Variants in ZNF385D observed in about 807,000 individuals in gnomAD.
ZNF385D encodes zinc finger protein 659.
ZNF385D carries 15 observed loss-of-function variants against 35.8 expected under a neutral mutation model. The ratio of observed to expected loss-of-function variants is 0.42; its 90% confidence interval spans 0.28 to 0.64. ZNF385D has a LOEUF of 0.64. Ranked by LOEUF, ZNF385D falls within the 30% of genes least tolerant of loss-of-function variation. ZNF385D has a pLI of 0.23. For missense variants in ZNF385D, 474 were observed against 494.6 expected, an observed-to-expected ratio of 0.96 and a Z score of 0.39; for synonymous variants, 212 against 186.8, an observed-to-expected ratio of 1.13 and a Z score of -1.10.
intron 1 of ZNF385D, among the ~76,000 whole-genome samples, chr3:21,735,126 G>A (rs1007794093): frequency 1.3e-5 from 2 of 152,144 alleles, no homozygotes; most frequent in Non-Finnish European, 2.9e-5. Flanking sequence ...GCAAATAATG[G>A]CAGGCTGGAG....
intron 2 of ZNF385D, among the ~76,000 whole-genome samples, chr3:22,210,550 A>G (rs982565952): frequency 2.0e-5 from 3 of 151,936 alleles, no homozygotes; most frequent in African/African-American, 7.2e-5. Context: ...AAGAAAATAT[A>G]TAGTTCTTGA....
At chr3:22,112,128 G>A (rs1702567962) in intron 3 of ZNF385D, among the ~76,000 whole-genome samples, 1 of 152,152 alleles carries the variant, frequency 6.6e-6, no homozygotes, top group African/African-American at 2.4e-5. Context: ...ACATGTAAAT[G>A]CAAGCAAAGT....
At chr3:21,450,933 G>T (rs1358325871) in intron 4 of ZNF385D, among the ~76,000 whole-genome samples, 3 of 151,996 alleles carry the variant, frequency 2.0e-5, no homozygotes, top group Non-Finnish European at 2.9e-5. Context: ...TGTTTCCTCA[G>T]CCTGGAAGTT....
At chr3:22,277,499 G>C (rs918210569) in intron 2 of ZNF385D, among the ~76,000 whole-genome samples, 1 of 151,994 alleles carries the variant, frequency 6.6e-6, no homozygotes, top group East Asian at 1.9e-4. Context: ...AGTACCAAAA[G>C]CCCAAATAAT....
chr3:22,107,370 T>G (rs1480374910), intron 3 of ZNF385D, among the ~76,000 whole-genome samples: 1 of 152,094 alleles, frequency 6.6e-6, no homozygotes, highest in Non-Finnish European at 1.5e-5. Flanking sequence ...CAGAAAATTA[T>G]GTTAAATTTT....
intron 2 of ZNF385D, among the ~76,000 whole-genome samples, chr3:22,319,068 A>T (rs1398192030): frequency 6.6e-6 from 1 of 152,184 alleles, no homozygotes; most frequent in Non-Finnish European, 1.5e-5. Flanking sequence ...AAAATATATC[A>T]AAAATTAGCA....
intron 3 of ZNF385D, among the ~76,000 whole-genome samples, chr3:22,120,009 T>G (rs1576352352): frequency 7.9e-6 from 1 of 127,324 alleles, no homozygotes; most frequent in Non-Finnish European, 1.7e-5. Flanking sequence ...TTTTTTTTTT[T>G]GGTAGAAACA....
At chr3:22,249,617 G>A (rs1322779287) in intron 2 of ZNF385D, among the ~76,000 whole-genome samples, 1 of 152,134 alleles carries the variant, frequency 6.6e-6, no homozygotes, top group African/African-American at 2.4e-5. Context: ...TCGTTATGCT[G>A]GAAATTACTA....
intron 2 of ZNF385D, among the ~76,000 whole-genome samples, chr3:22,172,629 C>T (rs1161465374): frequency 6.6e-6 from 1 of 152,024 alleles, no homozygotes; most frequent in Non-Finnish European, 1.5e-5. Context: ...ATTCGTGTAA[C>T]CTAATTAAGA....
rs2066790837 is a variant in ZNF385D, at chr3:21,678,288, C to T, written c.23-13260G>A. On this transcript the variant is annotated intron_variant, in intron 1 of 7. Coordinates refer to ENST00000281523, the MANE Select transcript of ZNF385D (RefSeq NM_024697.3). ...CCCAGGTTATGAAGATAACTGGAGA[C>T]CTACATTTGTAACTCAGTAAATGGG... Among the ~76,000 whole-genome samples, 4 of 152,114 alleles carry T rather than the reference C, an allele frequency of 2.6e-5. No individual in the cohort carries two copies. In the South Asian group the frequency reaches 8.3e-4, roughly 32 times the overall value.
intron 1 of ZNF385D, among the ~76,000 whole-genome samples, chr3:21,705,672 T>C (rs2067869558): frequency 6.6e-6 from 1 of 152,226 alleles, no homozygotes; most frequent in Non-Finnish European, 1.5e-5. Context: ...GACTTGTCCA[T>C]GGTCATATGA....
At chr3:21,803,924 A>T (rs2072519800) in intron 3 of ZNF385D, among the ~76,000 whole-genome samples, 1 of 152,220 alleles carries the variant, frequency 6.6e-6, no homozygotes, top group African/African-American at 2.4e-5. Context: ...TGTCACTTGC[A>T]AATAAGAAAT....
chr3:22,249,754 G>A (rs1243289210), intron 2 of ZNF385D, among the ~76,000 whole-genome samples: 2 of 152,150 alleles, frequency 1.3e-5, no homozygotes, highest in Non-Finnish European at 2.9e-5. Flanking sequence ...AAATTATGCT[G>A]AGCCTCAACT....
chr3:21,494,424 T>A (rs1053116549), intron 4 of ZNF385D, among the ~76,000 whole-genome samples: 1 of 152,088 alleles, frequency 6.6e-6, no homozygotes, highest in African/African-American at 2.4e-5. Flanking sequence ...CTACCTTGAG[T>A]AATATAGCAG....
chr3:21,908,591 C>G (rs1008801874), intron 3 of ZNF385D, among the ~76,000 whole-genome samples: 1 of 152,040 alleles, frequency 6.6e-6, no homozygotes, highest in Non-Finnish European at 1.5e-5. Context: ...AGATTACCTA[C>G]AACAGTTAGG....
At position 21,437,155 on chromosome 3, in the gene ZNF385D, A is replaced by T; in HGVS notation, c.488T>A (p.Ile163Asn). 6.2e-7 allele frequency: 1 copy of T among 1,613,796 alleles called. No individual in the cohort carries two copies. The highest frequency in any genetic ancestry group is 8.5e-7 in the Non-Finnish European group (1 of 1,179,870). Residue 163 changes from isoleucine to asparagine, a missense_variant, in exon 5 of 8, where the codon ATC (isoleucine) becomes AAC (asparagine). By Grantham distance (149) the Ile-to-Asn change is moderately radical. Coordinates refer to ENST00000281523, the MANE Select transcript of ZNF385D (RefSeq NM_024697.3). ...PAISTTTTVE[I>N]RKSSVMTTEI... ...AGTTGTCATAACACTGCTTTTGCGGATTTCCACAGTTGTCGTCGTTGATAT... is the reference window on the plus strand; with the variant it reads ...AGTTGTCATAACACTGCTTTTGCGGTTTTCCACAGTTGTCGTCGTTGATAT...
At chr3:22,312,862 G>C (rs1316356429) in intron 2 of ZNF385D, among the ~76,000 whole-genome samples, 3 of 136,112 alleles carry the variant, frequency 2.2e-5, no homozygotes, top group Non-Finnish European at 4.7e-5. Context: ...CAGGGATCTA[G>C]AACTAGAAAT....
At chr3:22,144,748 G>T (rs932662966) in intron 3 of ZNF385D, among the ~76,000 whole-genome samples, 3 of 151,862 alleles carry the variant, frequency 2.0e-5, no homozygotes, top group Non-Finnish European at 2.9e-5. Flanking sequence ...AAGTAAATAA[G>T]CAAGTTCATA....
chr3:21,504,241 A>G (rs1043514078), intron 4 of ZNF385D, among the ~76,000 whole-genome samples: 5 of 152,080 alleles, frequency 3.3e-5, no homozygotes, highest in Non-Finnish European at 7.4e-5. Flanking sequence ...TACTTGTAGG[A>G]CTAGAGAATC....
Sources: allele counts gnomAD v4.1 joint callset (sites outside exome capture counted in the v4.1 genomes callset), GRCh38; gene constraint gnomAD v4.1.1; transcripts MANE v1.5; gene names NCBI Gene and HGNC (gene_info 2026-07-23, HGNC 2026-07-21).